The following ZNF792 variants were observed in gnomAD, a reference collection of about 807,000 sequenced individuals.
ZNF792 encodes zinc finger protein 792.
A neutral mutation model predicts 13.1 loss-of-function variants in ZNF792; 14 were observed. The ratio of observed to expected loss-of-function variants is 1.07; its 90% CI spans 0.71 to 1.67. ZNF792 has a LOEUF of 1.67. ZNF792 is among the 40% of genes most tolerant of loss of function. The pLI, the probability that ZNF792 is intolerant of heterozygous loss-of-function variation, is 0.00. For synonymous variants in ZNF792, 257 were observed against 292.0 expected, an observed-to-expected ratio of 0.88 and a Z score of 1.22; for missense variants, 740 against 807.9, an observed-to-expected ratio of 0.92 and a Z score of 1.02.
chr19:34,960,502 T>A (rs563093926), intron 2 of ZNF792, 145 bp from the exon 3 acceptor site: 605 of 1,014,212 alleles, frequency 6.0e-4, no homozygotes, highest in Non-Finnish European at 8.2e-4. Context: ...TTGGAATTCC[T>A]GGCACAGTCA....
At chr19:34,961,797 C>G (rs1261704793) in intron 1 of ZNF792, among the ~76,000 whole-genome samples, 3 of 152,222 alleles carry the variant, frequency 2.0e-5, no homozygotes, top group African/African-American at 7.2e-5. Context: ...ACTGACTCCT[C>G]TTGCCCCAAG....
In ZNF792 at chr19:34,960,298, C is replaced by T. The variant is rs1353420178; in HGVS notation, c.220G>A (p.Val74Met). ...GATGTCATATCCACACTGTCAGGCACCCAGGGCTCTTTCCCCATCTCCAAC... is the reference window on the plus strand; with the variant it reads ...GATGTCATATCCACACTGTCAGGCATCCAGGGCTCTTTCCCCATCTCCAAC... ...SQLEMGKEPW[V>M]PDSVDMTSAM... Residue 74 changes from valine (V) to methionine (M), a missense_variant, in exon 3 of 4, where the codon GTG (valine) becomes ATG (methionine). Transcript: ENST00000404801. The T allele has an allele frequency of 1.2e-6, 2 of 1,613,702 alleles. No individual in the cohort carries two copies. Among genetic ancestry groups the T allele is most frequent in the African/African-American group, 2.7e-5 (2 of 74,918 alleles).
chr19:34,958,265 G>A lies in ZNF792; in HGVS notation c.1590C>T (p.Gly530=), dbSNP rs561292468. ...SLNNHRRLHT[G]ERPYECSECG... is the part of the protein sequence containing the mutation. ...ATTCGCTGCACTCATAAGGCCGCTC[G>A]CCGGTGTGAAGTCTCCGGTGGTTAT... Residue 530 remains glycine, a synonymous_variant, in exon 4 of 4, where the codon GGC becomes GGT. Transcript: ENST00000404801. 5.3e-5 allele frequency: 86 copies of A among 1,612,980 alleles called. No individual in the cohort carries two copies. Among genetic ancestry groups the A allele is most frequent in the Admixed American group, 6.7e-5 (4 of 59,912 alleles).
rs1194372414 is a variant in ZNF792, at chr19:34,956,677, A to G, written c.*1279T>C. On this transcript the variant is annotated 3_prime_UTR_variant, in exon 4 of 4. Transcript: ENST00000404801. ...TTAGAAAATCCGATTTGGCAACCCT[A>G]TATTGACTCTGTCATCTCTTTCTTC... is the stretch of plus-strand genomic sequence containing the variant. 1 of 152,222 alleles carries G rather than the reference A, an allele frequency of 6.6e-6. No individual in the cohort carries two copies. Among genetic ancestry groups the G allele is most frequent in the Admixed American group, 6.5e-5 (1 of 15,284 alleles). 9.4% of individuals were successfully genotyped at this position (152,222 alleles called of 1,614,324 possible).
At chr19:34,961,543 C>T (rs1200922419) in intron 1 of ZNF792, among the ~76,000 whole-genome samples, 1 of 152,136 alleles carries the variant, frequency 6.6e-6, no homozygotes, top group Non-Finnish European at 1.5e-5. Flanking sequence ...ATGGCCTCCA[C>T]TGCCAAGGGC....
chr19:34,960,832 G>A (rs760600689), intron 2 of ZNF792, 36 bp downstream of exon 2: 4 of 1,613,708 alleles, frequency 2.5e-6, no homozygotes, highest in Non-Finnish European at 3.4e-6. Context: ...AGGCAGAGAG[G>A]AGCTCGGGAC....
intron 2 of ZNF792, 75 bp downstream of exon 2, chr19:34,960,793 G>T: frequency 6.2e-7 from 1 of 1,608,532 alleles, no homozygotes; most frequent in Non-Finnish European, 8.5e-7. Context: ...CTGTGGGAAG[G>T]AAAGAGCTGT....
At position 34,960,451 on chromosome 19, in the gene ZNF792, G is replaced by C; in HGVS notation, c.161-94C>G. ...AGACAGGAAGCTCCGTATGACACAG[G>C]GACATTGGGTGGTCACGGCAAGCAG... On this transcript the variant is annotated intron_variant, in intron 2 of 3. Transcript: ENST00000404801. The C allele has an allele frequency of 2.0e-6, 3 of 1,493,676 alleles. No homozygotes were observed. The South Asian group carries it at 3.7e-5, about 19-fold the overall frequency. The allele number at this position is 1,493,676 out of a possible 1,614,324, so 92.5% of individuals were successfully genotyped here.
chr19:34,958,252 C>T lies in ZNF792; in HGVS notation c.1603G>A (p.Glu535Lys). The T allele has an allele frequency of 6.2e-7, 1 of 1,614,076 alleles. No homozygotes were observed. The highest frequency in any genetic ancestry group is 1.3e-5 in the African/African-American group (1 of 75,034). ...AAGGTTTTCCCACATTCGCTGCACT[C>T]ATAAGGCCGCTCGCCGGTGTGAAGT... Reference protein sequence around the residue: ...RRLHTGERPYECSECGKTFRQ... With the variant: ...RRLHTGERPYKCSECGKTFRQ... Residue 535 changes from glutamate (E) to lysine (K), a missense_variant, in exon 4 of 4, where the codon GAG (glutamate) becomes AAG (lysine). Physicochemically the swap from Glu to Lys is moderately conservative, Grantham distance 56 (BLOSUM62 1). Transcript: ENST00000404801.
In ZNF792 at chr19:34,960,478, A is replaced by T. The variant is rs907060162; in HGVS notation, c.161-121T>A. On this transcript the variant is annotated intron_variant, in intron 2 of 3. Transcript: ENST00000404801. ...ACATTGGGTGGTCACGGCAAGCAGT[A>T]ACCACATCAGTGATTGGAATTCCTG... is the stretch of plus-strand genomic sequence containing the variant. The T allele has an allele frequency of 2.1e-5, 26 of 1,253,970 alleles. No homozygotes were observed. The African/African-American group carries it at 3.7e-4, about 18-fold the overall frequency. 77.7% of individuals were successfully genotyped at this position (1,253,970 alleles called of 1,614,324 possible).
At position 34,959,525 on chromosome 19, in the gene ZNF792, G is replaced by C; in HGVS notation, c.330C>G (p.Asn110Lys). ...CCTGTGCCACTCCTTCTACAGAAAC[G>C]TTATGCTCAGAAGGTAAGTCCTTGC... ...TEGKDLPSEH[N>K]VSVEGVAQDR... The change falls in exon 4 of 4, where the codon AAC becomes AAG. Residue 110 changes from asparagine (N) to lysine (K), a missense_variant. Asn to Lys is a moderately conservative substitution (Grantham distance 94). Transcript: ENST00000404801. 4 of 1,576,500 alleles carry C rather than the reference G, an allele frequency of 2.5e-6. No individual in the cohort carries two copies. Among genetic ancestry groups the C allele is most frequent in the Non-Finnish European group, 3.4e-6 (4 of 1,160,376 alleles).
intron 2 of ZNF792, 168 bp downstream of exon 2, chr19:34,960,700 G>T: frequency 9.5e-7 from 1 of 1,047,470 alleles, no homozygotes; most frequent in Non-Finnish European, 1.4e-6. Flanking sequence ...AGGGAGAGGA[G>T]GGAACAATGC....
rs1383578442 is a variant in ZNF792 at position 34,959,293 on chromosome 19, T to G, written c.562A>C (p.Ile188Leu). 3.1e-6 allele frequency: 5 copies of G among 1,614,036 alleles called. No individual in the cohort carries two copies. The highest frequency in any genetic ancestry group is 4.2e-6 in the Non-Finnish European group (5 of 1,179,892). ...KQVQQNVHNP[I>L]RTEEGQASPV... ...GAAGCCTGGCCCTCCTCCGTTCTGA[T>G]AGGGTTGTGTACGTTCTGCTGCACC... The change falls in exon 4 of 4, where the codon ATC becomes CTC. Residue 188 changes from isoleucine to leucine, a missense_variant. By Grantham distance (5) the Ile-to-Leu change is conservative (BLOSUM62 2). Transcript: ENST00000404801.
chr19:34,960,924 T>C lies in ZNF792; in HGVS notation c.104A>G (p.Gln35Arg). The C allele has an allele frequency of 1.9e-6, 3 of 1,614,032 alleles. No individual in the cohort carries two copies. Among genetic ancestry groups the C allele is most frequent in the East Asian group, 2.2e-5 (1 of 44,878 alleles). Residue 35 changes from glutamine (Q) to arginine (R), a missense_variant, in exon 2 of 4, where the codon CAG (glutamine) becomes CGG (arginine). Coordinates refer to ENST00000404801, the MANE Select transcript of ZNF792 (RefSeq NM_175872.5). ...QEEWVLLDEAQRLLYCDVMLE... is the reference protein window; with the variant it reads ...QEEWVLLDEARRLLYCDVMLE... ...CATCACATCGCAGTACAGGAGTCTC[T>C]GAGCCTCATCGAGGAGCACCCACTC...
rs376897088 is a variant in ZNF792, at chr19:34,961,385, C to T, written c.34-391G>A. ...CCACCCTCACAGCTCCAGACCTTCACCACGGCCTCCCATTGCCACTGCTAC... is the reference window on the plus strand; with the variant it reads ...CCACCCTCACAGCTCCAGACCTTCATCACGGCCTCCCATTGCCACTGCTAC... On this transcript the variant is annotated intron_variant, in intron 1 of 3. Transcript: ENST00000404801. Among the ~76,000 whole-genome samples, 6 of 152,292 alleles carry T rather than the reference C, an allele frequency of 3.9e-5. No individual in the cohort carries two copies. In the East Asian group the frequency reaches 5.8e-4, roughly 15 times the overall value.
rs763092764 is a variant in ZNF792 at position 34,958,244 on chromosome 19, G to A, written c.1611C>T (p.Ser537=). 11 of 1,613,838 alleles carry A rather than the reference G, an allele frequency of 6.8e-6. No homozygotes were observed. Among genetic ancestry groups the A allele is most frequent in the African/African-American group, 5.3e-5 (4 of 74,878 alleles). Residue 537 remains serine (S), a synonymous_variant, in exon 4 of 4, where the codon AGC becomes AGT. Transcript: ENST00000404801. Reference sequence around the variant, plus strand: ...TCTGCCTGAAGGTTTTCCCACATTCGCTGCACTCATAAGGCCGCTCGCCGG... The same window carrying A: ...TCTGCCTGAAGGTTTTCCCACATTCACTGCACTCATAAGGCCGCTCGCCGG... The part of the protein sequence containing the change: ...LHTGERPYEC[S]ECGKTFRQRS...
At position 34,958,133 on chromosome 19, in the gene ZNF792, C is replaced by A. The variant is rs774294745; in HGVS notation, c.1722G>T (p.Arg574Ser). The A allele has an allele frequency of 2.4e-5, 38 of 1,613,540 alleles. 1 individual carries two copies. In the South Asian group the frequency reaches 3.8e-4, roughly 16 times the overall value. The change falls in exon 4 of 4, where the codon AGG becomes AGT. Residue 574 changes from arginine (R) to serine (S), a missense_variant. Transcript: ENST00000404801. Reference sequence around the variant, plus strand: ...TCTTCTGATGCCGAATGAGGGTAGGCCTTTGGTTGAAGGCTTTCCCACATT... The same window carrying A: ...TCTTCTGATGCCGAATGAGGGTAGGACTTTGGTTGAAGGCTTTCCCACATT... ...CSECGKAFNQ[R>S]PTLIRHQKIH... is the part of the protein sequence containing the mutation.
At chr19:34,960,450 G>A (rs2013511073) in intron 2 of ZNF792, 93 bp from the exon 3 acceptor site, 1 of 1,493,164 alleles carries the variant, frequency 6.7e-7, no homozygotes, top group African/African-American at 1.4e-5. Flanking sequence ...GTATGACACA[G>A]GGACATTGGG....
At chr19:34,963,284 TAATA>T (rs1038593712) in intron 1 of ZNF792, among the ~76,000 whole-genome samples, 1 of 151,990 alleles carries the variant, frequency 6.6e-6, no homozygotes, top group African/African-American at 2.4e-5. Context: ...CCAGCAGACA[TAATA>T]TTAATAACAC....
Sources: allele counts gnomAD v4.1 joint callset (sites outside exome capture counted in the v4.1 genomes callset), GRCh38; gene constraint gnomAD v4.1.1; transcripts MANE v1.5; gene names NCBI Gene and HGNC (gene_info 2026-07-23, HGNC 2026-07-21).